Variants in WNK3 observed in about 807,000 individuals in gnomAD.
The protein encoded by WNK3 is WNK lysine deficient protein kinase 3.
A neutral mutation model predicts 116.7 loss-of-function variants in WNK3; 18 were observed. The ratio of observed to expected loss-of-function variants is 0.15; its 90% CI spans 0.11 to 0.23. WNK3 has a LOEUF of 0.23. Among genes scored for constraint, WNK3 ranks in the 10% least tolerant of loss-of-function variants. The pLI, the probability that WNK3 is intolerant of heterozygous loss-of-function variation, is 1.00. For synonymous variants in WNK3, 404 were observed against 469.4 expected, an observed-to-expected ratio of 0.86 and a Z score of 1.80; for missense variants, 993 against 1,323.8, an observed-to-expected ratio of 0.75 and a Z score of 3.88.
intron 22 of WNK3, among the ~76,000 whole-genome samples, chrX:54,204,272 C>A (rs2067529965): frequency 9.1e-6 from 1 of 110,135 alleles, no homozygotes; most frequent in South Asian, 4.0e-4. Context: ...GCGCACACCA[C>A]CACGCCCGGC....
chrX:54,207,733 C>T (rs2067570075), intron 22 of WNK3, among the ~76,000 whole-genome samples: 1 of 109,489 alleles, frequency 9.1e-6, no homozygotes, highest in African/African-American at 3.3e-5. Flanking sequence ...AGGCTGGTCT[C>T]AAACTCCTGA....
At chrX:54,317,158 C>CT (rs782412506) in intron 2 of WNK3, among the ~76,000 whole-genome samples, 1,534 of 98,431 alleles carry the variant, frequency 0.016, 15 homozygotes, top group Middle Eastern at 0.037. Flanking sequence ...ATGGATGAAT[C>CT]TTTTTTTTTT....
intron 17 of WNK3, among the ~76,000 whole-genome samples, chrX:54,247,010 T>TAAGTACAGATTGACTAAG (rs2068079914): frequency 8.9e-6 from 1 of 112,043 alleles, no homozygotes; most frequent in Non-Finnish European, 1.9e-5. Flanking sequence ...CCATCTGTAC[T>TAAGTACAGATTGACTAAG]TAGTCAATCA....
At chrX:54,301,585 T>C (rs1445304278) in intron 6 of WNK3, among the ~76,000 whole-genome samples, 186 bp downstream of exon 6, 1 of 110,847 alleles carries the variant, frequency 9.0e-6, no homozygotes, top group Non-Finnish European at 1.9e-5. Context: ...TCAAGAAAAA[T>C]TCAGCACATG....
At chrX:54,287,216 G>A (rs981105616) in intron 10 of WNK3, among the ~76,000 whole-genome samples, 1 of 111,700 alleles carries the variant, frequency 9.0e-6, no homozygotes, top group South Asian at 3.8e-4. Context: ...TCACTCAATA[G>A]TATTATCTCA....
In WNK3 at chrX:54,294,858, A is replaced by C; in HGVS notation, c.1399-11T>G. On this transcript the variant is annotated splice_polypyrimidine_tract_variant and intron_variant, in intron 7 of 23. Transcript: ENST00000354646. ...GAACCCAGACTTGACCTACAAACAA[A>C]ACATAATAAGCAAACTACTTCTTTA... 8.6e-7 allele frequency: 1 copy of C among 1,158,098 alleles called. No individual in the cohort carries two copies. The highest frequency in any genetic ancestry group is 2.0e-5 in the South Asian group (1 of 49,561).
At chrX:54,348,422 C>T (rs560697667) in intron 1 of WNK3, among the ~76,000 whole-genome samples, 9 of 111,370 alleles carry the variant, frequency 8.1e-5, no homozygotes, top group Non-Finnish European at 3.8e-5. Flanking sequence ...CCGCTGGCCT[C>T]GGCCTCCCCA....
At chrX:54,203,596 T>C (rs782686818) in intron 22 of WNK3, among the ~76,000 whole-genome samples, 6 of 111,219 alleles carry the variant, frequency 5.4e-5, no homozygotes, top group Middle Eastern at 4.7e-3. Flanking sequence ...TTATAGACAG[T>C]AAAACTGGGA....
At chrX:54,342,824 G>A (rs2069346784) in intron 1 of WNK3, among the ~76,000 whole-genome samples, 1 of 110,225 alleles carries the variant, frequency 9.1e-6, no homozygotes, top group Admixed American at 9.8e-5. Context: ...ACGTATCTGG[G>A]GCCATCGTGG....
At position 54,201,735 on chromosome X, in the gene WNK3, G is replaced by A. The variant is rs186927911; in HGVS notation, c.5073+256C>T. 9.8e-5 allele frequency among the ~76,000 whole-genome samples: 11 copies of A among 112,109 alleles called. No homozygotes were observed. In the East Asian group the frequency reaches 3.1e-3, roughly 31 times the overall value. The stretch of plus-strand genomic sequence containing the variant: ...CTATGGCTGCTTTTGCACTATAACA[G>A]AGTTAAGTAGTTGTAATAGTATAGC... On this transcript the variant is annotated intron_variant, in intron 23 of 23. Transcript: ENST00000354646.
chrX:54,332,059 T>A (rs913734926), intron 2 of WNK3, among the ~76,000 whole-genome samples: 1 of 112,066 alleles, frequency 8.9e-6, no homozygotes, highest in Non-Finnish European at 1.9e-5. Flanking sequence ...ATGGGCTGAC[T>A]GAGGTCACAG....
intron 11 of WNK3, among the ~76,000 whole-genome samples, chrX:54,256,714 G>A (rs2068196493): frequency 8.9e-6 from 1 of 112,213 alleles, no homozygotes; most frequent in East Asian, 2.8e-4. Context: ...TCTATATATA[G>A]ATGTACAAGA....
At chrX:54,351,009 C>T (rs2069508063) in intron 1 of WNK3, among the ~76,000 whole-genome samples, 2 of 109,386 alleles carry the variant, frequency 1.8e-5, no homozygotes, top group Middle Eastern at 4.3e-3. Context: ...AAAAAAAAAC[C>T]CACAAAACTA....
intron 22 of WNK3, among the ~76,000 whole-genome samples, chrX:54,222,563 A>C: frequency 9.4e-6 from 1 of 106,350 alleles, no homozygotes; most frequent in Non-Finnish European, 1.9e-5. Context: ...TGTCTCAAAA[A>C]AAAGAAGAAA....
exon 12 of WNK3, chrX:54,255,854 G>A (rs782035204): frequency 5.0e-6 from 6 of 1,201,244 alleles, no homozygotes; most frequent in East Asian, 3.0e-5. Flanking sequence ...GGCTACTGAC[G>A]TTTTCCTTCG....
intron 1 of WNK3, among the ~76,000 whole-genome samples, chrX:54,348,561 G>C (rs782292274): frequency 8.9e-6 from 1 of 111,951 alleles, no homozygotes; most frequent in East Asian, 2.8e-4. Context: ...TAATACATGT[G>C]TATCTTTATA....
intron 17 of WNK3, among the ~76,000 whole-genome samples, chrX:54,247,749 T>C (rs2068087354): frequency 9.0e-6 from 1 of 110,777 alleles, no homozygotes; most frequent in African/African-American, 3.3e-5. Flanking sequence ...GTCCATGATC[T>C]ACTGTAAAAT....
At chrX:54,244,616 G>T (rs1208585500) in intron 17 of WNK3, among the ~76,000 whole-genome samples, 2 of 112,207 alleles carry the variant, frequency 1.8e-5, no homozygotes, top group Non-Finnish European at 3.8e-5. Flanking sequence ...GCAAGAAACT[G>T]CATTTCATTT....
At chrX:54,355,495 G>A (rs1227981834) in intron 1 of WNK3, among the ~76,000 whole-genome samples, 1 of 110,808 alleles carries the variant, frequency 9.0e-6, no homozygotes, top group African/African-American at 3.3e-5. Flanking sequence ...AGGATGCTGG[G>A]AAAAGGAAGA....
Sources: gnomAD v4.1 joint callset for allele counts (sites outside exome capture counted in the v4.1 genomes callset) on GRCh38, gnomAD v4.1.1 for gene constraint, MANE v1.5 for transcripts, NCBI Gene and HGNC (gene_info 2026-07-23, HGNC 2026-07-21) for gene names.